GANC: variants seen among roughly 807,000 people sequenced by gnomAD.
GANC encodes glucosidase alpha, neutral C, also known as neutral alpha-glucosidase C.
A neutral mutation model predicts 124.2 loss-of-function variants in GANC; 117 were observed. The ratio of observed to expected loss-of-function variants is 0.94; its 90% CI spans 0.81 to 1.10. The LOEUF is 1.10. GANC is among the 50% of genes least tolerant of loss of function. The pLI is 0.00. For missense variants in GANC, 1,140 were observed against 1,095.0 expected (o/e 1.04, Z -0.58); for synonymous variants, 377 against 376.8 (o/e 1.00, Z -0.01).
chr15:42,331,570 A>G (rs1018288703), intron 15 of GANC, among the ~76,000 whole-genome samples: 36 of 152,208 alleles, frequency 2.4e-4, no homozygotes, highest in Non-Finnish European at 2.9e-5. Flanking sequence ...TCCTGTGGAC[A>G]TTATTAAGCC....
intron 6 of GANC, among the ~76,000 whole-genome samples, chr15:42,298,252 A>G (rs1347105945): frequency 1.3e-5 from 2 of 152,236 alleles, no homozygotes; most frequent in African/African-American, 2.4e-5. Flanking sequence ...TGGAATATGT[A>G]TGCAATATAT....
intron 10 of GANC, chr15:42,314,432 C>G: frequency 5.8e-6 from 2 of 345,298 alleles, no homozygotes; most frequent in South Asian, 2.9e-5. Flanking sequence ...GTGGGGATTT[C>G]TATCTGAGCT....
At chr15:42,330,231 C>G (rs1189320639) in intron 14 of GANC, among the ~76,000 whole-genome samples, 1 of 152,176 alleles carries the variant, frequency 6.6e-6, no homozygotes, top group African/African-American at 2.4e-5. Flanking sequence ...CTCTCTGAAG[C>G]TCAGTTTTTC....
chr15:42,339,574 C>T (rs923858566), intron 16 of GANC, 95 bp from the exon 17 acceptor site: 1 of 1,427,624 alleles, frequency 7.0e-7, no homozygotes, highest in African/African-American at 1.4e-5. Context: ...GCATATACTG[C>T]ACTTTTCTCC....
chr15:42,303,852 A>G (rs1326795960), intron 6 of GANC, among the ~76,000 whole-genome samples: 1 of 152,176 alleles, frequency 6.6e-6, no homozygotes, highest in Admixed American at 6.5e-5. Flanking sequence ...CAGATTCATA[A>G]AGCAAGTTCT....
At chr15:42,343,204 CTTCTT>C (rs776664635) in intron 19 of GANC, 50 bp downstream of exon 19, 43 of 1,485,620 alleles carry the variant, frequency 2.9e-5, no homozygotes, top group African/African-American at 2.2e-4. Context: ...TCTCTCATCC[CTTCTT>C]TTCTTTTAGG....
rs1269426039 is a variant in GANC at position 42,292,638 on chromosome 15, AATATT to A, written c.330-96_330-92del. The A allele has an allele frequency of 1.8e-5, 22 of 1,203,438 alleles. No homozygotes were observed. In the East Asian group the frequency reaches 5.3e-4, roughly 29 times the overall value. The allele number at this position is 1,203,438 out of a possible 1,614,324, so 74.5% of individuals were successfully genotyped here. A position where few individuals can be genotyped will look rare whatever the true frequency, so the allele number is the denominator to read the frequency against. Reference sequence around the variant, plus strand: ...GCCTTATCTATGGCTATGTCACATGAATATTGATTTACTAATTAATTACTTGGAAG... The same window carrying A: ...GCCTTATCTATGGCTATGTCACATGAGATTTACTAATTAATTACTTGGAAG... On this transcript the variant is annotated intron_variant, in intron 4 of 23. Transcript: ENST00000318010.
At chr15:42,333,512 T>C (rs1256555640) in intron 15 of GANC, among the ~76,000 whole-genome samples, 2 of 152,162 alleles carry the variant, frequency 1.3e-5, no homozygotes, top group East Asian at 3.8e-4. Context: ...ATATAATCTC[T>C]CATCACAAAC....
At chr15:42,315,992 A>G (rs144229485) in intron 10 of GANC, among the ~76,000 whole-genome samples, 1 of 152,178 alleles carries the variant, frequency 6.6e-6, no homozygotes. Context: ...CTGTGTATGT[A>G]TACATATTTA....
At chr15:42,289,537 T>G (rs2051821899) in intron 4 of GANC, among the ~76,000 whole-genome samples, 1 of 152,216 alleles carries the variant, frequency 6.6e-6, no homozygotes, top group South Asian at 2.1e-4. Flanking sequence ...ATGAAGTCAT[T>G]TATTTTCTGC....
chr15:42,322,072 G>A (rs1441021943), intron 11 of GANC, 52 bp downstream of exon 11: 4 of 1,470,132 alleles, frequency 2.7e-6, no homozygotes, highest in Non-Finnish European at 3.7e-6. Context: ...TTTAAAAAAT[G>A]TTTTAGACTT....
chr15:42,339,357 C>CACACAG (rs2052310622), intron 16 of GANC, among the ~76,000 whole-genome samples: 1 of 132,308 alleles, frequency 7.6e-6, no homozygotes, highest in African/African-American at 2.9e-5. Context: ...CACACACACA[C>CACACAG]AGTTATTTAA....
chr15:42,322,651 A>T (rs1438780438), intron 11 of GANC, among the ~76,000 whole-genome samples: 2 of 152,136 alleles, frequency 1.3e-5, no homozygotes, highest in Non-Finnish European at 2.9e-5. Flanking sequence ...TTAAAAGTCA[A>T]ATATCAAATA....
intron 16 of GANC, 35 bp from the exon 17 acceptor site, chr15:42,339,634 C>G: frequency 6.2e-7 from 1 of 1,602,914 alleles, no homozygotes; most frequent in African/African-American, 1.3e-5. Context: ...TTATCCAAAG[C>G]TTGGTTGCCT....
intron 20 of GANC, 119 bp downstream of exon 20, chr15:42,345,951 T>C: frequency 1.5e-6 from 1 of 685,714 alleles, no homozygotes; most frequent in East Asian, 2.7e-5. Flanking sequence ...TTTCTCGAAG[T>C]TTTGGAGGCT....
intron 23 of GANC, 25 bp downstream of exon 23, chr15:42,351,457 T>C (rs2052436937): frequency 3.3e-6 from 5 of 1,502,104 alleles, no homozygotes; most frequent in Non-Finnish European, 4.6e-6. Flanking sequence ...CATTCTTACC[T>C]CACCATTTGT....
chr15:42,276,245 C>T, intron 1 of GANC, 103 bp from the exon 2 acceptor site: 1 of 644,286 alleles, frequency 1.6e-6, no homozygotes, highest in Non-Finnish European at 2.9e-6. Flanking sequence ...GAATAGACTC[C>T]AAAGGTTTAT....
At chr15:42,276,973 T>TG (rs34397870) in intron 2 of GANC, among the ~76,000 whole-genome samples, 10 of 152,272 alleles carry the variant, frequency 6.6e-5, no homozygotes, top group African/African-American at 2.4e-4. Flanking sequence ...TAATATTCCA[T>TG]GGGGTAGATA....
intron 10 of GANC, among the ~76,000 whole-genome samples, chr15:42,317,128 C>T (rs1462928064): frequency 6.6e-6 from 1 of 152,102 alleles, no homozygotes; most frequent in Non-Finnish European, 1.5e-5. Context: ...CTGGGTAATC[C>T]TTCGCCCACA....
Sources: gnomAD v4.1 joint callset for allele counts (sites outside exome capture counted in the v4.1 genomes callset) on GRCh38, gnomAD v4.1.1 for gene constraint, MANE v1.5 for transcripts, NCBI Gene and HGNC (gene_info 2026-07-23, HGNC 2026-07-21) for gene names.